The following WWOX variants were observed in gnomAD, a reference collection of about 807,000 sequenced individuals.
The protein encoded by WWOX is WW domain-containing oxidoreductase.
In WWOX, 69 loss-of-function variants were observed where a neutral mutation model predicts 46.2. The observed-to-expected ratio is 1.49, with a 90% CI of 1.23 to 1.82. The LOEUF (loss-of-function observed/expected upper bound fraction) is 1.82, where lower values mean the gene tolerates loss of function less well. Ranked by LOEUF, WWOX falls within the 40% of genes most tolerant of loss-of-function variation. The pLI, the probability that WWOX is intolerant of heterozygous loss-of-function variation, is 0.00. For missense variants in WWOX, 919 were observed against 542.6 expected, an observed-to-expected ratio of 1.69 and a Z score of -6.89; for synonymous variants, 359 against 202.6, an observed-to-expected ratio of 1.77 and a Z score of -6.56.
chr16:78,241,741 G>A (rs1022847812), intron 5 of WWOX, among the ~76,000 whole-genome samples: 9 of 152,098 alleles, frequency 5.9e-5, no homozygotes, highest in South Asian at 2.1e-4. Flanking sequence ...CGCCCCTCAC[G>A]CGCAGCCACT....
chr16:78,246,389 A>G (rs1307356649), intron 5 of WWOX, among the ~76,000 whole-genome samples: 1 of 152,134 alleles, frequency 6.6e-6, no homozygotes, highest in South Asian at 2.1e-4. Flanking sequence ...CTCTCTTGGT[A>G]TAACACTACC....
At chr16:78,931,515 G>A (rs541852209) in intron 8 of WWOX, among the ~76,000 whole-genome samples, 1 of 152,312 alleles carries the variant, frequency 6.6e-6, no homozygotes, top group Non-Finnish European at 1.5e-5. Flanking sequence ...AAGGATTGCT[G>A]GGCATGTGCT....
intron 8 of WWOX, among the ~76,000 whole-genome samples, chr16:78,798,615 T>G (rs1271298161): frequency 1.3e-5 from 2 of 150,856 alleles, no homozygotes; most frequent in African/African-American, 4.9e-5. Context: ...TTTAAGAGAT[T>G]TACAGTGATC....
intron 8 of WWOX, among the ~76,000 whole-genome samples, chr16:78,590,502 A>C (rs1389884597): frequency 6.6e-6 from 1 of 152,222 alleles, no homozygotes; most frequent in African/African-American, 2.4e-5. Context: ...GAAGAGGGAA[A>C]GGTTTTTAGG....
At chr16:78,678,811 C>G (rs117825593) in intron 8 of WWOX, among the ~76,000 whole-genome samples, 3 of 152,042 alleles carry the variant, frequency 2.0e-5, no homozygotes, top group Non-Finnish European at 4.4e-5. Flanking sequence ...ACATGCATCC[C>G]CTCATTGACT....
chr16:78,663,382 A>C (rs554647271), intron 8 of WWOX, among the ~76,000 whole-genome samples: 1 of 152,288 alleles, frequency 6.6e-6, no homozygotes, highest in East Asian at 1.9e-4. Context: ...GCCAAATAAT[A>C]TTCTATTCTA....
intron 8 of WWOX, among the ~76,000 whole-genome samples, chr16:78,872,133 G>C (rs955920256): frequency 1.3e-5 from 2 of 152,152 alleles, no homozygotes. Flanking sequence ...ATTTATAAAG[G>C]AATTCTGGTT....
chr16:78,403,967 G>A (rs2082469777), intron 6 of WWOX, among the ~76,000 whole-genome samples: 1 of 152,094 alleles, frequency 6.6e-6, no homozygotes, highest in Non-Finnish European at 1.5e-5. Context: ...GACAAATATT[G>A]TATTATCTTA....
rs149802009 is a variant in WWOX, at chr16:78,944,834, C to T, written c.1057-266774C>T. On this transcript the variant is annotated intron_variant, in intron 8 of 8. Transcript: ENST00000566780. Reference sequence around the variant, plus strand: ...CTTGACATTCCCACATAGCTGCTTCCCTGGTAATTCACCTGGGTCCAGAAC... The same window carrying T: ...CTTGACATTCCCACATAGCTGCTTCTCTGGTAATTCACCTGGGTCCAGAAC... 3.9e-5 allele frequency among the ~76,000 whole-genome samples: 6 copies of T among 152,220 alleles called. No individual in the cohort carries two copies. The East Asian group carries it at 9.7e-4, about 24-fold the overall frequency.
chr16:79,044,982 C>G (rs552939024), intron 8 of WWOX, among the ~76,000 whole-genome samples: 2 of 152,236 alleles, frequency 1.3e-5, no homozygotes, highest in South Asian at 4.2e-4. Flanking sequence ...TACATAATAA[C>G]TGCTCAATAA....
chr16:78,606,698 G>C (rs2045766516), intron 8 of WWOX, among the ~76,000 whole-genome samples: 1 of 149,824 alleles, frequency 6.7e-6, no homozygotes, highest in Admixed American at 6.7e-5. Flanking sequence ...CGACTGAAAG[G>C]GCATTTCCCC....
At chr16:78,811,414 T>G (rs1362572295) in intron 8 of WWOX, among the ~76,000 whole-genome samples, 1 of 152,124 alleles carries the variant, frequency 6.6e-6, no homozygotes, top group Admixed American at 6.6e-5. Context: ...TCTATTAACT[T>G]TCTTCATCTC....
intron 8 of WWOX, among the ~76,000 whole-genome samples, chr16:79,180,553 A>G (rs1207230604): frequency 2.0e-5 from 3 of 152,182 alleles, no homozygotes; most frequent in Non-Finnish European, 4.4e-5. Flanking sequence ...GGCAGGAGGA[A>G]TTGGGGAAAT....
At chr16:78,619,226 T>G (rs2046115970) in intron 8 of WWOX, among the ~76,000 whole-genome samples, 16 of 98,560 alleles carry the variant, frequency 1.6e-4, no homozygotes, top group Non-Finnish European at 2.1e-4. Flanking sequence ...TAGCCATGCA[T>G]GGGGGCCTGC....
chr16:78,105,481 C>T (rs2032082392), intron 1 of WWOX, among the ~76,000 whole-genome samples: 2 of 151,570 alleles, frequency 1.3e-5, no homozygotes, highest in African/African-American at 2.4e-5. Context: ...AAGAATGATC[C>T]AGCCCCAAGT....
At chr16:78,263,866 C>T (rs1236271760) in intron 5 of WWOX, among the ~76,000 whole-genome samples, 2 of 152,104 alleles carry the variant, frequency 1.3e-5, no homozygotes, top group Non-Finnish European at 2.9e-5. Context: ...ATGGATTCAC[C>T]AGTGTGCTTC....
chr16:78,828,736 A>G (rs1455146939), intron 8 of WWOX, among the ~76,000 whole-genome samples: 2 of 152,130 alleles, frequency 1.3e-5, no homozygotes, highest in African/African-American at 4.8e-5. Context: ...TATCGTCTCT[A>G]GTCCTCCAAC....
At chr16:78,749,744 C>T (rs529670279) in intron 8 of WWOX, among the ~76,000 whole-genome samples, 2 of 152,158 alleles carry the variant, frequency 1.3e-5, no homozygotes, top group Non-Finnish European at 2.9e-5. Flanking sequence ...TCCGTTAAAG[C>T]CGTATTGGAT....
At chr16:79,023,200 A>T (rs917192548) in intron 8 of WWOX, among the ~76,000 whole-genome samples, 1 of 152,200 alleles carries the variant, frequency 6.6e-6, no homozygotes, top group Admixed American at 6.5e-5. Context: ...AAGCAATTGG[A>T]TGGGAAAACA....
Sources: gnomAD v4.1 joint callset for allele counts (sites outside exome capture counted in the v4.1 genomes callset) on GRCh38, gnomAD v4.1.1 for gene constraint, MANE v1.5 for transcripts, NCBI Gene and HGNC (gene_info 2026-07-23, HGNC 2026-07-21) for gene names.